Variants in LRRC37A2 observed in about 807,000 individuals in gnomAD.
LRRC37A2 encodes the protein leucine-rich repeat-containing protein 37A2.
In LRRC37A2, 9 loss-of-function variants were observed where a neutral mutation model predicts 68.8. The observed-to-expected ratio is 0.13, with a 90% CI of 0.08 to 0.23. The LOEUF (loss-of-function observed/expected upper bound fraction) is 0.23, where lower values mean the gene tolerates loss of function less well. LRRC37A2 is among the 10% of genes least tolerant of loss of function. The pLI is 1.00. For synonymous variants in LRRC37A2, 63 were observed against 367.6 expected (o/e 0.17, Z 9.48); for missense variants, 168 against 950.4 (o/e 0.18, Z 10.82).
chr17:46,945,573 G>C, the LRRC37A2 span, among the ~76,000 whole-genome samples: 1 of 152,166 alleles, frequency 6.6e-6, no homozygotes, highest in African/African-American at 2.4e-5. Context: ...TCTTTGCTGG[G>C]TGGTAACTCA....
chr17:46,840,454 G>C, the LRRC37A2 span, among the ~76,000 whole-genome samples: 1 of 152,166 alleles, frequency 6.6e-6, no homozygotes, highest in South Asian at 2.1e-4. Flanking sequence ...ATTGTGAATA[G>C]CACCACAATA....
the LRRC37A2 span, chr17:46,940,289 G>C: frequency 7.0e-7 from 1 of 1,437,304 alleles, no homozygotes; most frequent in Non-Finnish European, 9.1e-7. Flanking sequence ...TACCCCTCCG[G>C]GCCAAATGGG....
chr17:46,976,238 A>G, the LRRC37A2 span, among the ~76,000 whole-genome samples: 2 of 149,868 alleles, frequency 1.3e-5, no homozygotes, highest in African/African-American at 4.9e-5. Flanking sequence ...AAAAGTTTTT[A>G]AAAAAGAAAT....
At chr17:47,028,211 T>A in the LRRC37A2 span, 1 of 1,050,196 alleles carries the variant, frequency 9.5e-7, no homozygotes. Flanking sequence ...TAAATTAGAA[T>A]CATGGCAAAT....
the LRRC37A2 span, among the ~76,000 whole-genome samples, chr17:46,499,002 A>G: frequency 2.0e-5 from 3 of 150,314 alleles, no homozygotes; most frequent in African/African-American, 5.0e-5. Context: ...AGTGCTTAGC[A>G]CAATGTCTGG....
the LRRC37A2 span, among the ~76,000 whole-genome samples, chr17:46,961,370 T>A: frequency 6.6e-6 from 1 of 152,092 alleles, no homozygotes; most frequent in Non-Finnish European, 1.5e-5. Context: ...AGACCCCATC[T>A]CTACAAAAAA....
the LRRC37A2 span, among the ~76,000 whole-genome samples, chr17:46,881,176 GC>G: frequency 1.8e-3 from 276 of 152,320 alleles, 1 homozygote; most frequent in African/African-American, 6.4e-3. Flanking sequence ...GGCCTGCCCT[GC>G]CCCAGTTCTT....
At chr17:46,727,979 T>C in the LRRC37A2 span, among the ~76,000 whole-genome samples, 1 of 152,130 alleles carries the variant, frequency 6.6e-6, no homozygotes, top group African/African-American at 2.4e-5. Context: ...GAATGTGCCA[T>C]GTATTTTGGA....
the LRRC37A2 span, among the ~76,000 whole-genome samples, chr17:46,729,913 G>A: frequency 3.3e-5 from 5 of 152,016 alleles, no homozygotes; most frequent in African/African-American, 1.2e-4. Flanking sequence ...TAGTCTTGAA[G>A]ATTTGCAACA....
At chr17:46,994,110 C>T in the LRRC37A2 span, among the ~76,000 whole-genome samples, 2 of 151,034 alleles carry the variant, frequency 1.3e-5, no homozygotes, top group Non-Finnish European at 3.0e-5. Flanking sequence ...GGGGGCTGGG[C>T]GTGGTGGCTC....
At chr17:46,782,045 G>A in the LRRC37A2 span, among the ~76,000 whole-genome samples, 1 of 152,230 alleles carries the variant, frequency 6.6e-6, no homozygotes, top group Admixed American at 6.5e-5. Context: ...CATGGGTGGA[G>A]CTGCAGAAGG....
chr17:46,862,447 A>C, the LRRC37A2 span, among the ~76,000 whole-genome samples: 1 of 152,118 alleles, frequency 6.6e-6, no homozygotes, highest in African/African-American at 2.4e-5. Context: ...GTATGAGTTC[A>C]CCACAATTGT....
chr17:46,956,572 G>T, the LRRC37A2 span, among the ~76,000 whole-genome samples: 1 of 152,184 alleles, frequency 6.6e-6, no homozygotes, highest in Non-Finnish European at 1.5e-5. Flanking sequence ...AAAGTGCTGG[G>T]ATTACAGGCG....
the LRRC37A2 span, among the ~76,000 whole-genome samples, chr17:46,718,233 T>G: frequency 2.0e-5 from 3 of 152,136 alleles, no homozygotes; most frequent in Non-Finnish European, 2.9e-5. Flanking sequence ...CCCCAACACG[T>G]GCACCCCTGC....
chr17:47,011,812 C>CTA, the LRRC37A2 span, among the ~76,000 whole-genome samples: 1 of 152,132 alleles, frequency 6.6e-6, no homozygotes, highest in Non-Finnish European at 1.5e-5. Flanking sequence ...TAGACACAGG[C>CTA]TATGCATCCC....
At chr17:46,977,408 C>G in the LRRC37A2 span, among the ~76,000 whole-genome samples, 1 of 152,244 alleles carries the variant, frequency 6.6e-6, no homozygotes, top group Non-Finnish European at 1.5e-5. Context: ...CCAGCCTTCT[C>G]TCCTCCAGTG....
the LRRC37A2 span, among the ~76,000 whole-genome samples, chr17:46,838,969 C>T: frequency 3.3e-5 from 5 of 152,064 alleles, no homozygotes; most frequent in African/African-American, 1.2e-4. Context: ...CCTCTTCCTC[C>T]CGGGTTCAAG....
At chr17:46,685,161 T>C in the LRRC37A2 span, among the ~76,000 whole-genome samples, 1 of 144,876 alleles carries the variant, frequency 6.9e-6, no homozygotes, top group South Asian at 2.2e-4. Context: ...CAGAAGTGAG[T>C]TAAAATGCCA....
the LRRC37A2 span, among the ~76,000 whole-genome samples, chr17:46,392,121 T>TA: frequency 4.7e-5 from 3 of 63,386 alleles, no homozygotes; most frequent in Non-Finnish European, 1.1e-4. Context: ...AGTGTGGCCT[T>TA]ACGGATGTAA....
Sources: gnomAD v4.1 joint callset for allele counts (sites outside exome capture counted in the v4.1 genomes callset) on GRCh38, gnomAD v4.1.1 for gene constraint, MANE v1.5 for transcripts, NCBI Gene and HGNC (gene_info 2026-07-23, HGNC 2026-07-21) for gene names.